APP: variants seen among roughly 807,000 people sequenced by gnomAD.
APP encodes the protein amyloid-beta precursor protein.
In APP, 31 loss-of-function variants were observed where a neutral mutation model predicts 101.4. The observed-to-expected ratio is 0.31, with a 90% CI of 0.23 to 0.41. APP has a LOEUF of 0.41. APP is among the 10% of genes least tolerant of loss of function. APP has a pLI of 1.00. For synonymous variants in APP, 366 were observed against 364.4 expected (o/e 1.00, Z -0.05); for missense variants, 839 against 1,003.7 (o/e 0.84, Z 2.22).
intron 1 of APP, among the ~76,000 whole-genome samples, chr21:26,161,148 G>A (rs2063483988): frequency 6.6e-6 from 1 of 152,156 alleles, no homozygotes. Context: ...TATCATGAGT[G>A]ATCAAACAAA....
In APP at chr21:25,968,570, C is replaced by G. The variant is rs138998229; in HGVS notation, c.1458+6500G>C. ...AGTGTATTTGCCTATAGGTACATAA[C>G]TAAATCAGAAATTTGAAACATACAG... is the stretch of plus-strand genomic sequence containing the variant. On this transcript the variant is annotated intron_variant, in intron 11 of 17. Coordinates refer to ENST00000346798, the MANE Select transcript of APP (RefSeq NM_000484.4). Among the ~76,000 whole-genome samples the G allele has an allele frequency of 3.0e-3, 454 of 152,152 alleles. 8 individuals carry two copies. Among genetic ancestry groups the G allele is most frequent in the Middle Eastern group, 3.4e-3 (1 of 294 alleles).
At chr21:25,896,484 T>C (rs1208987496) in intron 16 of APP, among the ~76,000 whole-genome samples, 1 of 151,804 alleles carries the variant, frequency 6.6e-6, no homozygotes, top group African/African-American at 2.4e-5. Context: ...ATTATTGCTA[T>C]GGAAATTTTC....
In APP at chr21:25,917,557, A is replaced by G. The variant is rs147983080; in HGVS notation, c.1688-5595T>C. ...CTAGCCAAATGTCTTCTAAGAATTTAACGGTCACATCTTACGATTAAAGAA... is the reference window on the plus strand; with the variant it reads ...CTAGCCAAATGTCTTCTAAGAATTTGACGGTCACATCTTACGATTAAAGAA... On this transcript the variant is annotated intron_variant, in intron 13 of 17. Transcript: ENST00000346798. 2.1e-4 allele frequency among the ~76,000 whole-genome samples: 32 copies of G among 152,364 alleles called. 1 individual carries two copies. In the East Asian group the frequency reaches 5.6e-3, roughly 27 times the overall value.
intron 1 of APP, among the ~76,000 whole-genome samples, chr21:26,138,368 C>G (rs144091078): frequency 6.6e-6 from 1 of 152,034 alleles, no homozygotes; most frequent in East Asian, 1.9e-4. Context: ...GTTATAGGAT[C>G]AAAATATGGG....
intron 3 of APP, among the ~76,000 whole-genome samples, chr21:26,066,379 G>A (rs922207921): frequency 6.6e-6 from 1 of 151,848 alleles, no homozygotes; most frequent in African/African-American, 2.4e-5. Context: ...GATTCATATC[G>A]TTGTACAACC....
chr21:26,043,903 T>C (rs891970448), intron 5 of APP, among the ~76,000 whole-genome samples: 2 of 152,246 alleles, frequency 1.3e-5, no homozygotes, highest in Admixed American at 1.3e-4. Flanking sequence ...TAGCTTGTAC[T>C]TAACCATGAG....
chr21:25,988,702 C>CAAAAAAAAAAAAAAAAAAAAAAAAAA (rs537417600), intron 8 of APP, among the ~76,000 whole-genome samples: 5 of 62,362 alleles, frequency 8.0e-5, no homozygotes, highest in African/African-American at 3.2e-4. Context: ...AACTCTGTCT[C>CAAAAAAAAAAAAAAAAAAAAAAAAAA]AAAAAAAAAA....
chr21:26,057,050 T>G (rs45574237), intron 3 of APP, among the ~76,000 whole-genome samples: 616 of 152,344 alleles, frequency 4.0e-3, no homozygotes, highest in Non-Finnish European at 7.3e-3. Context: ...TTAAAAATCT[T>G]TGCTAGGACA....
intron 8 of APP, among the ~76,000 whole-genome samples, chr21:25,984,104 A>G (rs2042547981): frequency 6.6e-6 from 1 of 152,182 alleles, no homozygotes; most frequent in Non-Finnish European, 1.5e-5. Context: ...CATACATGTT[A>G]GTGGCCTTCC....
At position 26,090,092 on chromosome 21, in the gene APP, G is replaced by A; in HGVS notation, c.226-20C>T. ...GTAGACCTGGGAGAGCACACAAAAA[G>A]AATCAATTGTTACTTGAGGCAGGGG... On this transcript the variant is annotated intron_variant, in intron 2 of 17. Coordinates refer to ENST00000346798, the MANE Select transcript of APP (RefSeq NM_000484.4). 1 of 1,613,760 alleles carries A rather than the reference G, an allele frequency of 6.2e-7. No individual in the cohort carries two copies. The highest frequency in any genetic ancestry group is 1.1e-5 in the South Asian group (1 of 91,028).
chr21:26,040,457 C>G (rs1319099555), intron 5 of APP, among the ~76,000 whole-genome samples: 1 of 152,004 alleles, frequency 6.6e-6, no homozygotes, highest in Middle Eastern at 3.2e-3. Flanking sequence ...CAAAAATTAG[C>G]CAGGCATGGT....
At chr21:26,121,982 C>T (rs1405116405) in intron 1 of APP, among the ~76,000 whole-genome samples, 1 of 152,156 alleles carries the variant, frequency 6.6e-6, no homozygotes, top group African/African-American at 2.4e-5. Context: ...AACAAGATTC[C>T]AGAAGAGGTA....
chr21:25,901,636 G>C (rs1213796708), intron 15 of APP, among the ~76,000 whole-genome samples: 3 of 152,216 alleles, frequency 2.0e-5, no homozygotes, highest in Non-Finnish European at 2.9e-5. Flanking sequence ...AATAAAATGT[G>C]ATGAGTAGTT....
At chr21:25,954,196 T>C (rs429410) in intron 13 of APP, among the ~76,000 whole-genome samples, 102,678 of 152,028 alleles carry the variant, frequency 0.68, 35,323 homozygotes, top group South Asian at 0.75. Context: ...AGCTTTTTCA[T>C]TTGTAAGATG....
chr21:25,881,674 T>G lies in APP; in HGVS notation c.2309A>C (p.Asn770Thr), dbSNP rs2036992300. 6.2e-7 allele frequency: 1 copy of G among 1,613,862 alleles called. No homozygotes were observed. The highest frequency in any genetic ancestry group is 8.5e-7 in the Non-Finnish European group (1 of 1,179,942). The change falls in exon 18 of 18, where the codon AAC (asparagine) becomes ACC (threonine). Residue 770 changes from asparagine (N) to threonine (T), a missense_variant. Transcript: ENST00000346798. ...PTYKFFEQMQ[N>T] ...AGAGGCTGCTGTGGCGGGGGTCTAG[T>G]TCTGCATCTGCTCAAAGAACTTGTA...
chr21:26,147,635 C>G (rs144478559), intron 1 of APP, among the ~76,000 whole-genome samples: 152 of 152,146 alleles, frequency 1.0e-3, no homozygotes, highest in African/African-American at 3.6e-3. Context: ...ATGGCTCAAT[C>G]AATTTATTAG....
At chr21:26,108,280 T>C (rs1042035812) in intron 2 of APP, among the ~76,000 whole-genome samples, 2 of 152,246 alleles carry the variant, frequency 1.3e-5, no homozygotes, top group African/African-American at 4.8e-5. Context: ...TTTAACAACA[T>C]ATTCAAAACA....
chr21:26,057,696 CA>C (rs2046099476), intron 3 of APP, among the ~76,000 whole-genome samples: 3 of 152,132 alleles, frequency 2.0e-5, no homozygotes, highest in African/African-American at 7.2e-5. Flanking sequence ...GAAAAGAGCT[CA>C]GGTCAAGTGA....
chr21:26,058,838 T>C (rs2046145636), intron 3 of APP, among the ~76,000 whole-genome samples: 1 of 152,108 alleles, frequency 6.6e-6, no homozygotes, highest in South Asian at 2.1e-4. Context: ...TCCCAGCACT[T>C]TGGGAGGCCG....
Sources: gnomAD v4.1 joint callset for allele counts (sites outside exome capture counted in the v4.1 genomes callset) on GRCh38, gnomAD v4.1.1 for gene constraint, MANE v1.5 for transcripts, NCBI Gene and HGNC (gene_info 2026-07-23, HGNC 2026-07-21) for gene names.